The following PALM2AKAP2 variants were observed in gnomAD, a reference collection of about 807,000 sequenced individuals.
PALM2AKAP2 encodes PALM2 and AKAP2 fusion.
A neutral mutation model predicts 71.5 loss-of-function variants in PALM2AKAP2; 37 were observed. The ratio of observed to expected loss-of-function variants is 0.52; its 90% CI spans 0.40 to 0.68. PALM2AKAP2 has a LOEUF of 0.68. PALM2AKAP2 is among the 30% of genes least tolerant of loss of function. The pLI is 0.00. For missense variants in PALM2AKAP2, 1,224 were observed against 1,191.8 expected (o/e 1.03, Z -0.40); for synonymous variants, 468 against 478.8 (o/e 0.98, Z 0.29).
At chr9:109,780,587 C>G (rs560347368) in intron 1 of PALM2AKAP2, 54 bp downstream of exon 1, 2 of 1,611,074 alleles carry the variant, frequency 1.2e-6, no homozygotes, top group East Asian at 4.5e-5. Context: ...TGGAAGGGGG[C>G]CCCCGAGGGT....
At chr9:110,029,579 G>A (rs1472501286) in intron 7 of PALM2AKAP2, among the ~76,000 whole-genome samples, 1 of 152,152 alleles carries the variant, frequency 6.6e-6, no homozygotes. Context: ...GTCACGTGTT[G>A]CTGTTCAGTA....
chr9:110,047,340 A>C (rs529328024), upstream of PALM2AKAP2, among the ~76,000 whole-genome samples: 3 of 152,216 alleles, frequency 2.0e-5, no homozygotes, highest in Non-Finnish European at 4.4e-5. Context: ...CGCTCAAGGC[A>C]GGGAAGAAGT....
chr9:109,927,659 A>G (rs1465057526), intron 5 of PALM2AKAP2, among the ~76,000 whole-genome samples: 2 of 152,076 alleles, frequency 1.3e-5, no homozygotes, highest in African/African-American at 2.4e-5. Flanking sequence ...GTGGCTTTTG[A>G]TTGCATGATA....
At chr9:110,005,661 C>T (rs1021977570) in intron 6 of PALM2AKAP2, among the ~76,000 whole-genome samples, 11 of 152,208 alleles carry the variant, frequency 7.2e-5, no homozygotes, top group African/African-American at 9.6e-5. Flanking sequence ...CCTTGAGGTG[C>T]GGTGGGCTCC....
chr9:109,736,552 T>A (rs1828638299), intron 1 of PALM2AKAP2, among the ~76,000 whole-genome samples: 1 of 152,104 alleles, frequency 6.6e-6, no homozygotes, highest in South Asian at 2.1e-4. Flanking sequence ...AATATTTGAC[T>A]GCCATTTTCT....
At chr9:110,135,392 C>T (rs1377287415) in intron 1 of PALM2AKAP2, among the ~76,000 whole-genome samples, 1 of 76,668 alleles carries the variant, frequency 1.3e-5, no homozygotes, top group South Asian at 5.0e-4. Flanking sequence ...GGTTTTAAAA[C>T]ATTAAGAAGA....
intron 1 of PALM2AKAP2, among the ~76,000 whole-genome samples, chr9:109,802,865 A>T (rs1187585171): frequency 6.6e-6 from 1 of 151,898 alleles, no homozygotes; most frequent in African/African-American, 2.4e-5. Flanking sequence ...TCTGCCACAT[A>T]GATTGTTCAT....
chr9:109,749,685 T>C (rs1828857318), intron 1 of PALM2AKAP2, among the ~76,000 whole-genome samples: 1 of 152,186 alleles, frequency 6.6e-6, no homozygotes, highest in African/African-American at 2.4e-5. Flanking sequence ...CATTTTGCTG[T>C]TGTCTAAAAT....
intron 2 of PALM2AKAP2, among the ~76,000 whole-genome samples, chr9:110,147,546 G>C (rs927099961): frequency 2.6e-5 from 4 of 152,202 alleles, no homozygotes; most frequent in Middle Eastern, 3.4e-3. Context: ...AAAAAGCTTA[G>C]AGGCTGATCG....
At chr9:109,697,173 C>T (rs1288803892) in intron 1 of PALM2AKAP2, among the ~76,000 whole-genome samples, 1 of 151,786 alleles carries the variant, frequency 6.6e-6, no homozygotes, top group African/African-American at 2.4e-5. Flanking sequence ...TAATGGAGTA[C>T]CACCTAGACA....
intron 3 of PALM2AKAP2, among the ~76,000 whole-genome samples, chr9:110,165,244 G>T (rs1334549709): frequency 6.7e-6 from 1 of 150,130 alleles, no homozygotes; most frequent in African/African-American, 2.5e-5. Flanking sequence ...TTAATATGCA[G>T]TAATAAACAA....
intron 1 of PALM2AKAP2, among the ~76,000 whole-genome samples, chr9:109,759,292 C>T (rs1422851003): frequency 6.6e-6 from 1 of 152,060 alleles, no homozygotes; most frequent in Non-Finnish European, 1.5e-5. Flanking sequence ...GATGTATCCT[C>T]ATTTCTTCAT....
intron 1 of PALM2AKAP2, among the ~76,000 whole-genome samples, chr9:110,134,831 CAG>C (rs1187542412): frequency 6.6e-6 from 1 of 151,974 alleles, no homozygotes; most frequent in East Asian, 1.9e-4. Flanking sequence ...AAACTTGAGA[CAG>C]GGAAACAAAG....
At chr9:110,144,001 G>T (rs1426409981) in intron 2 of PALM2AKAP2, among the ~76,000 whole-genome samples, 1 of 152,176 alleles carries the variant, frequency 6.6e-6, no homozygotes. Flanking sequence ...TCTTAACTGG[G>T]TCTCTGTTCT....
chr9:110,095,073 A>G (rs1834805077), intron 1 of PALM2AKAP2, among the ~76,000 whole-genome samples: 1 of 152,208 alleles, frequency 6.6e-6, no homozygotes, highest in African/African-American at 2.4e-5. Context: ...TTGATGGGAA[A>G]GAAAACAAAA....
chr9:110,006,351 T>TTTCTTTCTTTCC (rs1832784375), intron 6 of PALM2AKAP2, among the ~76,000 whole-genome samples: 1 of 144,944 alleles, frequency 6.9e-6, no homozygotes, highest in Non-Finnish European at 1.5e-5. Context: ...TCTTTCTTTC[T>TTTCTTTCTTTCC]TTCTTTCTTT....
intron 1 of PALM2AKAP2, among the ~76,000 whole-genome samples, chr9:110,121,737 G>T (rs1835491139): frequency 6.6e-6 from 1 of 152,172 alleles, no homozygotes; most frequent in Non-Finnish European, 1.5e-5. Context: ...TTCTGACAAG[G>T]GGATTGTCTA....
chr9:109,733,745 A>G (rs1377524642), intron 1 of PALM2AKAP2, among the ~76,000 whole-genome samples: 2 of 152,228 alleles, frequency 1.3e-5, no homozygotes, highest in Admixed American at 1.3e-4. Context: ...GGGGGAATCA[A>G]TCTGAAAATC....
intron 1 of PALM2AKAP2, among the ~76,000 whole-genome samples, chr9:109,861,066 C>A (rs1261096000): frequency 6.6e-6 from 1 of 152,234 alleles, no homozygotes; most frequent in African/African-American, 2.4e-5. Context: ...CTTCTGGTCC[C>A]TTCCCACTGC....
Sources: allele counts gnomAD v4.1 joint callset (sites outside exome capture counted in the v4.1 genomes callset), GRCh38; gene constraint gnomAD v4.1.1; transcripts MANE v1.5; gene names NCBI Gene and HGNC (gene_info 2026-07-23, HGNC 2026-07-21).